The following LRMDA variants were observed in gnomAD, a reference collection of about 807,000 sequenced individuals.
LRMDA encodes leucine rich melanocyte differentiation associated, also known as leucine-rich melanocyte differentiation-associated protein.
A neutral mutation model predicts 29.8 loss-of-function variants in LRMDA; 18 were observed. That is an observed-to-expected ratio of 0.60 (90% CI 0.42 to 0.90). LRMDA has a LOEUF of 0.90. Ranked by LOEUF, LRMDA falls within the 40% of genes least tolerant of loss-of-function variation. The pLI, the probability that LRMDA is intolerant of heterozygous loss-of-function variation, is 0.00. For synonymous variants in LRMDA, 125 were observed against 109.4 expected (o/e 1.14, Z -0.89); for missense variants, 273 against 273.9 (o/e 1.00, Z 0.02).
chr10:75,679,805 G>A (rs541114380), intron 2 of LRMDA, among the ~76,000 whole-genome samples: 1 of 151,982 alleles, frequency 6.6e-6, no homozygotes, highest in Non-Finnish European at 1.5e-5. Context: ...TACTTCTGAT[G>A]TGGCTTAGAT....
intron 2 of LRMDA, among the ~76,000 whole-genome samples, chr10:75,858,090 T>C (rs1469671858): frequency 3.3e-5 from 5 of 152,316 alleles, no homozygotes; most frequent in African/African-American, 1.2e-4. Flanking sequence ...TTGTCTGCTG[T>C]GATGCTGGCT....
At chr10:76,442,753 C>A (rs1393765685) in intron 6 of LRMDA, among the ~76,000 whole-genome samples, 1 of 152,112 alleles carries the variant, frequency 6.6e-6, no homozygotes, top group Non-Finnish European at 1.5e-5. Flanking sequence ...TCTTAAAAAT[C>A]AGTTGATTTC....
intron 6 of LRMDA, among the ~76,000 whole-genome samples, chr10:76,385,535 G>C (rs1272871228): frequency 2.0e-5 from 3 of 152,172 alleles, no homozygotes; most frequent in Admixed American, 2.0e-4. Context: ...TCAAAATCTA[G>C]TAGTAGTAAA....
At chr10:76,011,129 G>A (rs886206706) in intron 2 of LRMDA, among the ~76,000 whole-genome samples, 3 of 152,082 alleles carry the variant, frequency 2.0e-5, no homozygotes, top group Non-Finnish European at 2.9e-5. Context: ...TTTTTTTTAG[G>A]AGGATGGGGT....
intron 2 of LRMDA, among the ~76,000 whole-genome samples, chr10:75,641,301 A>G (rs1326379669): frequency 2.0e-5 from 3 of 152,100 alleles, no homozygotes; most frequent in African/African-American, 2.4e-5. Context: ...CCTTTGCTCT[A>G]CTATGAAAGG....
rs1304978511 is a variant in LRMDA, at chr10:75,572,790, T to A, written c.131+134296T>A. On this transcript the variant is annotated intron_variant, in intron 2 of 6. Transcript: ENST00000611255. ...TGTTGAAGCCCTAGCTTCAGGGAGG[T>A]AATTAAGTTTAGATGAGGCCATAAC... Among the ~76,000 whole-genome samples, 4 of 152,122 alleles carry A rather than the reference T, an allele frequency of 2.6e-5. No homozygotes were observed. The East Asian group carries it at 5.8e-4, about 22-fold the overall frequency.
intron 6 of LRMDA, among the ~76,000 whole-genome samples, chr10:76,494,375 T>A (rs1383287067): frequency 7.3e-5 from 11 of 151,300 alleles, no homozygotes; most frequent in South Asian, 4.2e-4. Context: ...TTTAAAAAAA[T>A]TTTCAATTTT....
intron 2 of LRMDA, among the ~76,000 whole-genome samples, chr10:75,884,174 A>C (rs1845340554): frequency 6.6e-6 from 1 of 151,096 alleles, no homozygotes; most frequent in Non-Finnish European, 1.5e-5. Context: ...GAATTAATGG[A>C]ATGTTTCACA....
At chr10:76,162,784 C>T (rs1850671746) in intron 5 of LRMDA, among the ~76,000 whole-genome samples, 1 of 152,148 alleles carries the variant, frequency 6.6e-6, no homozygotes, top group African/African-American at 2.4e-5. Flanking sequence ...GGACACGCAT[C>T]CAAACTATAT....
chr10:75,924,304 G>A (rs1846080975), intron 2 of LRMDA, among the ~76,000 whole-genome samples: 1 of 152,172 alleles, frequency 6.6e-6, no homozygotes, highest in African/African-American at 2.4e-5. Flanking sequence ...ACGTGAAATT[G>A]GAAACATAGC....
chr10:75,741,831 C>T (rs1361761154), intron 2 of LRMDA, among the ~76,000 whole-genome samples: 1 of 152,188 alleles, frequency 6.6e-6, no homozygotes, highest in Non-Finnish European at 1.5e-5. Flanking sequence ...CTGTGTTGAA[C>T]TCCTAAGCCC....
intron 2 of LRMDA, among the ~76,000 whole-genome samples, chr10:75,535,424 G>A (rs2132045594): frequency 6.6e-6 from 1 of 151,992 alleles, no homozygotes; most frequent in East Asian, 1.9e-4. Flanking sequence ...CTTTTATGAA[G>A]TGCACTGTCA....
intron 2 of LRMDA, among the ~76,000 whole-genome samples, chr10:75,585,274 C>T (rs1460406927): frequency 6.6e-6 from 1 of 152,200 alleles, no homozygotes; most frequent in Non-Finnish European, 1.5e-5. Flanking sequence ...AATGTCCTTG[C>T]TTCATTTGTT....
intron 3 of LRMDA, among the ~76,000 whole-genome samples, chr10:76,043,972 G>A (rs1398998673): frequency 1.3e-5 from 2 of 152,212 alleles, no homozygotes; most frequent in African/African-American, 4.8e-5. Flanking sequence ...CCTCAGTCGT[G>A]TAGGGCCCTT....
At chr10:75,459,147 A>G (rs942581733) in intron 2 of LRMDA, among the ~76,000 whole-genome samples, 10 of 152,180 alleles carry the variant, frequency 6.6e-5, no homozygotes, top group African/African-American at 2.4e-4. Context: ...TAGAGTGTTA[A>G]CTAGTCAGAT....
intron 6 of LRMDA, among the ~76,000 whole-genome samples, chr10:76,523,367 G>A (rs1179516836): frequency 6.6e-6 from 1 of 152,060 alleles, no homozygotes; most frequent in African/African-American, 2.4e-5. Flanking sequence ...AGGGGGTCAG[G>A]AGGGCACATG....
chr10:76,243,589 A>T (rs1852319748), intron 5 of LRMDA, among the ~76,000 whole-genome samples: 1 of 152,184 alleles, frequency 6.6e-6, no homozygotes, highest in Admixed American at 6.5e-5. Flanking sequence ...GGGGAACTTA[A>T]GCTTCCACTT....
At chr10:75,600,766 A>G (rs1840874237) in intron 2 of LRMDA, among the ~76,000 whole-genome samples, 1 of 152,234 alleles carries the variant, frequency 6.6e-6, no homozygotes, top group Admixed American at 6.5e-5. Flanking sequence ...AAAAAATCTA[A>G]AAGAAAGCCT....
intron 2 of LRMDA, among the ~76,000 whole-genome samples, chr10:75,944,390 A>T (rs1846443658): frequency 6.6e-6 from 1 of 151,480 alleles, no homozygotes; most frequent in Non-Finnish European, 1.5e-5. Flanking sequence ...ATTTTCTTTG[A>T]TTTTGTGCTA....
Sources: allele counts gnomAD v4.1 joint callset (sites outside exome capture counted in the v4.1 genomes callset), GRCh38; gene constraint gnomAD v4.1.1; transcripts MANE v1.5; gene names NCBI Gene and HGNC (gene_info 2026-07-23, HGNC 2026-07-21).